The following MTUS2 variants were observed in gnomAD, a reference collection of about 807,000 sequenced individuals.
MTUS2 encodes the protein microtubule associated scaffold protein 2.
MTUS2 carries 40 observed loss-of-function variants against 114.1 expected under a neutral mutation model. That is an observed-to-expected ratio of 0.35 (90% CI 0.27 to 0.46). MTUS2 has a LOEUF of 0.46. Among genes scored for constraint, MTUS2 ranks in the 20% least tolerant of loss-of-function variants. The pLI, the probability that MTUS2 is intolerant of heterozygous loss-of-function variation, is 1.00. For missense variants in MTUS2, 1,679 were observed against 1,705.4 expected (o/e 0.98, Z 0.27); for synonymous variants, 688 against 672.0 (o/e 1.02, Z -0.37).
intron 5 of MTUS2, among the ~76,000 whole-genome samples, chr13:29,165,498 A>G (rs562083195): frequency 5.1e-4 from 77 of 152,308 alleles, no homozygotes; most frequent in African/African-American, 1.8e-3. Flanking sequence ...GCTTATCATG[A>G]TATCTGCTGT....
intron 5 of MTUS2, among the ~76,000 whole-genome samples, chr13:29,134,838 G>C (rs1891911780): frequency 6.6e-6 from 1 of 152,112 alleles, no homozygotes; most frequent in Admixed American, 6.6e-5. Flanking sequence ...CGCCCGCCTT[G>C]ACCTTCCAAA....
At chr13:29,244,151 G>A (rs1896825601) in intron 5 of MTUS2, among the ~76,000 whole-genome samples, 1 of 152,028 alleles carries the variant, frequency 6.6e-6, no homozygotes, top group African/African-American at 2.4e-5. Context: ...TAAAACTTTG[G>A]AATACATTCT....
In MTUS2 at chr13:28,879,690, C is replaced by T. The variant is rs534792960; in HGVS notation, c.-243+39840C>T. On this transcript the variant is annotated intron_variant, in intron 2 of 15. Coordinates refer to ENST00000612955, the MANE Select transcript of MTUS2 (RefSeq NM_001033602.4). ...TTTAAGAGAGAGTTTTAAATGATTT[C>T]CATCAAATAATAAAGCCCCTTGATG... 2.3e-4 allele frequency among the ~76,000 whole-genome samples: 35 copies of T among 152,222 alleles called. No individual in the cohort carries two copies. In the South Asian group the frequency reaches 7.2e-3, roughly 32 times the overall value.
intron 7 of MTUS2, among the ~76,000 whole-genome samples, chr13:29,354,702 G>A (rs540309642): frequency 6.6e-6 from 1 of 152,298 alleles, no homozygotes; most frequent in African/African-American, 2.4e-5. Flanking sequence ...AAGACCAGCT[G>A]GAAGGAAATC....
chr13:29,087,347 C>T lies in MTUS2; in HGVS notation c.2447-13426C>T, dbSNP rs145502279. 9.4e-3 allele frequency among the ~76,000 whole-genome samples: 1,426 copies of T among 152,234 alleles called. 23 individuals are homozygous for T. Among genetic ancestry groups the T allele is most frequent in the African/African-American group, 0.033 (1,357 of 41,544 alleles). On this transcript the variant is annotated intron_variant, in intron 4 of 15. Transcript: ENST00000612955. ...ATTTTATTGAAAGCTTTTGCTGTGT[C>T]TATGAGATTATTATGTGGTTTGTAG...
intron 2 of MTUS2, among the ~76,000 whole-genome samples, chr13:28,899,419 T>C (rs2137951761): frequency 6.6e-6 from 1 of 151,590 alleles, no homozygotes; most frequent in Admixed American, 6.6e-5. Context: ...TTTCTTTTTC[T>C]TTTTTTTTGA....
intron 8 of MTUS2, among the ~76,000 whole-genome samples, chr13:29,436,537 G>T (rs1877420672): frequency 6.6e-6 from 1 of 152,220 alleles, no homozygotes; most frequent in Non-Finnish European, 1.5e-5. Flanking sequence ...CCAGAGTTAA[G>T]TTATTTTCCT....
intron 2 of MTUS2, among the ~76,000 whole-genome samples, chr13:28,933,885 C>T (rs913021061): frequency 1.3e-5 from 2 of 152,182 alleles, no homozygotes; most frequent in Non-Finnish European, 2.9e-5. Context: ...CAATGAGCTG[C>T]AGCTTATATG....
chr13:28,998,808 G>T, intron 2 of MTUS2, among the ~76,000 whole-genome samples: 1 of 152,066 alleles, frequency 6.6e-6, no homozygotes, highest in East Asian at 1.9e-4. Flanking sequence ...TTTTTTCAAA[G>T]TTTTTAACTT....
intron 9 of MTUS2, among the ~76,000 whole-genome samples, chr13:29,471,235 C>T (rs1200108421): frequency 7.2e-5 from 11 of 151,848 alleles, no homozygotes; most frequent in Non-Finnish European, 1.0e-4. Context: ...CCCAGCTACT[C>T]GGGAGGCTGA....
chr13:28,842,478 AAC>A (rs1431459678), intron 2 of MTUS2, among the ~76,000 whole-genome samples: 1 of 152,216 alleles, frequency 6.6e-6, no homozygotes, highest in Non-Finnish European at 1.5e-5. Flanking sequence ...CTTATTAGAA[AAC>A]ACAGACGGAA....
intron 4 of MTUS2, among the ~76,000 whole-genome samples, chr13:29,075,301 A>G (rs1019169830): frequency 1.5e-5 from 2 of 137,464 alleles, no homozygotes; most frequent in Non-Finnish European, 3.2e-5. Flanking sequence ...TGGTACGGCT[A>G]AGTTGTTCCA....
chr13:28,872,474 G>A (rs1877675751), intron 2 of MTUS2, among the ~76,000 whole-genome samples: 1 of 152,174 alleles, frequency 6.6e-6, no homozygotes, highest in African/African-American at 2.4e-5. Context: ...CTAAAGCTAG[G>A]TAACTTATAA....
chr13:29,051,750 C>T (rs144715143), intron 4 of MTUS2, among the ~76,000 whole-genome samples: 144 of 152,326 alleles, frequency 9.5e-4, no homozygotes, highest in African/African-American at 3.1e-3. Context: ...ATATGGAAGA[C>T]GTTGATTCTC....
At chr13:29,058,067 A>C (rs545313259) in intron 4 of MTUS2, among the ~76,000 whole-genome samples, 3 of 152,154 alleles carry the variant, frequency 2.0e-5, no homozygotes, top group Non-Finnish European at 2.9e-5. Context: ...CTGGATATTA[A>C]ATTCTTGGTT....
At chr13:28,891,036 A>G (rs1031391356) in intron 2 of MTUS2, among the ~76,000 whole-genome samples, 3 of 152,194 alleles carry the variant, frequency 2.0e-5, no homozygotes, top group African/African-American at 7.2e-5. Flanking sequence ...TCAGCCCTAC[A>G]AAGTGTCAGT....
intron 8 of MTUS2, among the ~76,000 whole-genome samples, chr13:29,432,350 A>G (rs1877065831): frequency 6.6e-6 from 1 of 152,134 alleles, no homozygotes; most frequent in Non-Finnish European, 1.5e-5. Context: ...ACATGCACAG[A>G]AACTCCTTAT....
At chr13:28,940,464 G>C (rs2138129802) in intron 2 of MTUS2, among the ~76,000 whole-genome samples, 1 of 152,242 alleles carries the variant, frequency 6.6e-6, no homozygotes, top group East Asian at 1.9e-4. Flanking sequence ...TGGGGAGAAG[G>C]GGCGTGGGAA....
chr13:29,376,801 A>G (rs958176837), intron 8 of MTUS2, among the ~76,000 whole-genome samples: 2 of 152,148 alleles, frequency 1.3e-5, no homozygotes, highest in Non-Finnish European at 2.9e-5. Flanking sequence ...AAACAAGCCA[A>G]TTAAAAGATA....
Sources: allele counts gnomAD v4.1 joint callset (sites outside exome capture counted in the v4.1 genomes callset), GRCh38; gene constraint gnomAD v4.1.1; transcripts MANE v1.5; gene names NCBI Gene and HGNC (gene_info 2026-07-23, HGNC 2026-07-21).